Variants in CRPPA observed in about 807,000 individuals in gnomAD.
The protein encoded by CRPPA is D-ribitol-5-phosphate cytidylyltransferase.
A neutral mutation model predicts 52.0 loss-of-function variants in CRPPA; 43 were observed. That is an observed-to-expected ratio of 0.83 (90% CI 0.65 to 1.07). The LOEUF (loss-of-function observed/expected upper bound fraction) is 1.07, where lower values mean the gene tolerates loss of function less well. CRPPA is among the 50% of genes least tolerant of loss of function. The pLI, the probability that CRPPA is intolerant of heterozygous loss-of-function variation, is 0.00. For missense variants in CRPPA, 629 were observed against 551.7 expected, an observed-to-expected ratio of 1.14 and a Z score of -1.40; for synonymous variants, 250 against 203.5, an observed-to-expected ratio of 1.23 and a Z score of -1.94.
At chr7:16,103,231 A>G (rs2128364625) in intron 9 of CRPPA, among the ~76,000 whole-genome samples, 1 of 152,288 alleles carries the variant, frequency 6.6e-6, no homozygotes, top group Non-Finnish European at 1.5e-5. Flanking sequence ...GCATGTTCTC[A>G]CTCATAAGTG....
At chr7:16,196,329 G>A (rs950544657) in intron 9 of CRPPA, among the ~76,000 whole-genome samples, 3 of 152,046 alleles carry the variant, frequency 2.0e-5, no homozygotes, top group South Asian at 2.1e-4. Context: ...CTATCCTAAA[G>A]TTTCTATAAG....
chr7:16,280,723 T>C (rs1247592747), intron 5 of CRPPA, among the ~76,000 whole-genome samples: 1 of 152,110 alleles, frequency 6.6e-6, no homozygotes, highest in Non-Finnish European at 1.5e-5. Context: ...AAAAATGAAT[T>C]CAAAATCTAT....
chr7:16,152,455 T>C (rs1041796832), intron 9 of CRPPA, among the ~76,000 whole-genome samples: 7 of 151,998 alleles, frequency 4.6e-5, no homozygotes, highest in Non-Finnish European at 1.0e-4. Flanking sequence ...TTGGGACTTC[T>C]GTTGGACGAA....
chr7:16,204,538 T>C (rs1471388236), intron 9 of CRPPA, among the ~76,000 whole-genome samples: 2 of 152,084 alleles, frequency 1.3e-5, no homozygotes, highest in African/African-American at 4.8e-5. Flanking sequence ...ACTATTCAGA[T>C]GGTAGATACA....
chr7:16,167,048 C>T (rs570465063), intron 9 of CRPPA, among the ~76,000 whole-genome samples: 1 of 152,006 alleles, frequency 6.6e-6, no homozygotes, highest in African/African-American at 2.4e-5. Context: ...CCTGCCTCAG[C>T]CTCCCGAGTA....
rs1491588979 is a variant in CRPPA at position 16,342,797 on chromosome 7, ATC to A, written c.684+33293_684+33294del. Among the ~76,000 whole-genome samples, 76 of 109,034 alleles carry A rather than the reference ATC, an allele frequency of 7.0e-4. 6 individuals carry two copies. Among genetic ancestry groups the A allele is most frequent in the East Asian group, 1.7e-3 (6 of 3,534 alleles). The allele number at this position is 109,034 out of a possible 152,430, so 71.5% of individuals were successfully genotyped here. ...AAAAAAAAAAAATATATATATATAT[ATC>A]TATATAGATATATAGATATACATAT... is the stretch of plus-strand genomic sequence containing the variant. On this transcript the variant is annotated intron_variant, in intron 3 of 9. Transcript: ENST00000407010.
chr7:16,141,368 C>G (rs116237660), intron 9 of CRPPA, among the ~76,000 whole-genome samples: 1 of 152,042 alleles, frequency 6.6e-6, no homozygotes. Context: ...TATAAATTAT[C>G]AAGAACCATT....
chr7:16,364,092 T>A (rs566650004), intron 3 of CRPPA, among the ~76,000 whole-genome samples: 4 of 152,190 alleles, frequency 2.6e-5, no homozygotes. Context: ...TCTTTTTCAG[T>A]TATAAAATTT....
At chr7:16,105,855 G>A (rs1161369240) in intron 9 of CRPPA, among the ~76,000 whole-genome samples, 1 of 152,042 alleles carries the variant, frequency 6.6e-6, no homozygotes, top group Non-Finnish European at 1.5e-5. Flanking sequence ...AAGCCAAGCA[G>A]CACCTCTATG....
chr7:16,410,417 G>C (rs902586116), intron 1 of CRPPA, among the ~76,000 whole-genome samples: 1 of 152,188 alleles, frequency 6.6e-6, no homozygotes, highest in African/African-American at 2.4e-5. Flanking sequence ...TTATTAGCAA[G>C]TGGTGAGTGA....
intron 3 of CRPPA, among the ~76,000 whole-genome samples, chr7:16,326,932 G>A (rs1785407418): frequency 6.6e-6 from 1 of 152,196 alleles, no homozygotes; most frequent in South Asian, 2.1e-4. Context: ...TCACTAGCCA[G>A]TACTCCTTTT....
chr7:16,162,254 TTTAA>T (rs1388616247), intron 9 of CRPPA, among the ~76,000 whole-genome samples: 8 of 152,332 alleles, frequency 5.3e-5, no homozygotes, highest in African/African-American at 1.9e-4. Context: ...CTCTAGTTCT[TTTAA>T]TTGTGATATG....
chr7:16,275,110 G>T (rs1444548335), intron 6 of CRPPA, among the ~76,000 whole-genome samples: 1 of 151,980 alleles, frequency 6.6e-6, no homozygotes, highest in Non-Finnish European at 1.5e-5. Context: ...GGATAAATTG[G>T]CAGCACATAT....
At chr7:16,417,909 A>G (rs557214916) in intron 1 of CRPPA, among the ~76,000 whole-genome samples, 1 of 152,182 alleles carries the variant, frequency 6.6e-6, no homozygotes, top group East Asian at 1.9e-4. Flanking sequence ...TATTTTTCTT[A>G]TTTGGGACAA....
intron 3 of CRPPA, among the ~76,000 whole-genome samples, chr7:16,321,806 T>A (rs1165230061): frequency 1.3e-5 from 2 of 152,082 alleles, no homozygotes; most frequent in East Asian, 1.9e-4. Context: ...TGAAAAAGAA[T>A]AACTGGAAAA....
At chr7:16,294,968 C>A (rs79406432) in intron 5 of CRPPA, among the ~76,000 whole-genome samples, 4 of 152,008 alleles carry the variant, frequency 2.6e-5, no homozygotes, top group Non-Finnish European at 5.9e-5. Context: ...GTTAAAGGAT[C>A]GCTAAGAAAT....
At chr7:16,393,937 A>G (rs1787506702) in intron 2 of CRPPA, among the ~76,000 whole-genome samples, 2 of 152,146 alleles carry the variant, frequency 1.3e-5, no homozygotes, top group Admixed American at 6.6e-5. Flanking sequence ...TAAATATAAA[A>G]AGATGCCCAA....
At chr7:16,319,734 T>C (rs971758919) in intron 3 of CRPPA, among the ~76,000 whole-genome samples, 3 of 152,126 alleles carry the variant, frequency 2.0e-5, no homozygotes, top group Non-Finnish European at 2.9e-5. Flanking sequence ...TCAGTAGGCA[T>C]ATGGTTGTTA....
intron 8 of CRPPA, among the ~76,000 whole-genome samples, chr7:16,219,982 C>T (rs964003218): frequency 6.9e-6 from 1 of 145,116 alleles, no homozygotes; most frequent in Non-Finnish European, 1.5e-5. Context: ...CGGGCAGAGA[C>T]ACAACCAAAA....
Sources: allele counts gnomAD v4.1 joint callset (sites outside exome capture counted in the v4.1 genomes callset), GRCh38; gene constraint gnomAD v4.1.1; transcripts MANE v1.5; gene names NCBI Gene and HGNC (gene_info 2026-07-23, HGNC 2026-07-21).